The following POFUT3 variants were observed in gnomAD, a reference collection of about 807,000 sequenced individuals.
POFUT3 encodes the protein GDP-fucose protein O-fucosyltransferase 3.
At chr8:33,355,709 T>C in the POFUT3 span, among the ~76,000 whole-genome samples, 2 of 152,090 alleles carry the variant, frequency 1.3e-5, no homozygotes, top group Non-Finnish European at 2.9e-5. Flanking sequence ...TTAGGGTACA[T>C]GTGCACAATG....
chr8:33,340,653 T>C, the POFUT3 span, among the ~76,000 whole-genome samples: 2 of 152,102 alleles, frequency 1.3e-5, no homozygotes, highest in Non-Finnish European at 2.9e-5. Flanking sequence ...TGATATGAGA[T>C]AAAGTAGACT....
chr8:33,325,870 A>T, the POFUT3 span, among the ~76,000 whole-genome samples: 4 of 152,138 alleles, frequency 2.6e-5, no homozygotes, highest in Admixed American at 2.0e-4. Context: ...AGCCCCCTCC[A>T]TAACTGAGGA....
the POFUT3 span, among the ~76,000 whole-genome samples, chr8:33,383,037 C>A: frequency 2.6e-5 from 4 of 152,104 alleles, no homozygotes. Flanking sequence ...GAAAGCAGGG[C>A]CCATGGATCA....
the POFUT3 span, among the ~76,000 whole-genome samples, chr8:33,380,478 T>G: frequency 6.6e-6 from 1 of 151,376 alleles, no homozygotes; most frequent in Non-Finnish European, 1.5e-5. Context: ...ATGGTTTATA[T>G]GTAGAAAACA....
At chr8:33,343,036 G>A in the POFUT3 span, among the ~76,000 whole-genome samples, 7 of 151,564 alleles carry the variant, frequency 4.6e-5, no homozygotes, top group East Asian at 1.9e-4. Flanking sequence ...GAACCTAGGC[G>A]GCAGAGGTTG....
At chr8:33,377,699 G>A in the POFUT3 span, 3 of 152,218 alleles carry the variant, frequency 2.0e-5, no homozygotes, top group African/African-American at 7.2e-5. Flanking sequence ...AGTTATGACA[G>A]TTTTAGAAGT....
chr8:33,460,062 A>G, the POFUT3 span, among the ~76,000 whole-genome samples: 1 of 152,102 alleles, frequency 6.6e-6, no homozygotes, highest in African/African-American at 2.4e-5. Context: ...AGGTGGCGGA[A>G]GCCTGTAATC....
chr8:33,361,848 T>G, the POFUT3 span, among the ~76,000 whole-genome samples: 15 of 152,304 alleles, frequency 9.8e-5, no homozygotes, highest in East Asian at 2.7e-3. Context: ...AAACCAAGAC[T>G]TCTTTTCACT....
chr8:33,404,337 C>CAAAAA, the POFUT3 span, among the ~76,000 whole-genome samples: 274 of 110,800 alleles, frequency 2.5e-3, 2 homozygotes, highest in African/African-American at 8.7e-3. Flanking sequence ...GGCTCTGTCT[C>CAAAAA]AAAAAAAAAA....
chr8:33,457,961 T>C, the POFUT3 span, among the ~76,000 whole-genome samples: 1 of 152,176 alleles, frequency 6.6e-6, no homozygotes, highest in African/African-American at 2.4e-5. Flanking sequence ...GAATCTGCTA[T>C]GGGCTAAATT....
the POFUT3 span, among the ~76,000 whole-genome samples, chr8:33,429,625 C>G: frequency 6.6e-6 from 1 of 151,482 alleles, no homozygotes; most frequent in African/African-American, 2.4e-5. Context: ...ACACAAAAAG[C>G]CGAGGAAGAA....
At chr8:33,459,041 T>G in the POFUT3 span, among the ~76,000 whole-genome samples, 2 of 152,078 alleles carry the variant, frequency 1.3e-5, no homozygotes, top group African/African-American at 4.8e-5. Flanking sequence ...CAAATAACCT[T>G]TAAATGTTGT....
chr8:33,453,421 C>T, the POFUT3 span: 70 of 1,613,698 alleles, frequency 4.3e-5, no homozygotes, highest in Middle Eastern at 1.6e-4. Context: ...AATTAAGATG[C>T]GTAGGTGCTT....
At chr8:33,380,039 C>CTATATATATA in the POFUT3 span, among the ~76,000 whole-genome samples, 148 of 56,202 alleles carry the variant, frequency 2.6e-3, 19 homozygotes, top group African/African-American at 9.3e-3. Flanking sequence ...TATATATATA[C>CTATATATATA]GATATATATA....
At chr8:33,426,501 C>A in the POFUT3 span, among the ~76,000 whole-genome samples, 1 of 152,184 alleles carries the variant, frequency 6.6e-6, no homozygotes, top group South Asian at 2.1e-4. Context: ...ACAAAATTTG[C>A]TCACCTAGTG....
At chr8:33,324,317 C>G in the POFUT3 span, among the ~76,000 whole-genome samples, 1 of 152,146 alleles carries the variant, frequency 6.6e-6, no homozygotes, top group Non-Finnish European at 1.5e-5. Flanking sequence ...GCAGGCTCTT[C>G]CCCTCTCTGT....
At chr8:33,308,109 A>C in the POFUT3 span, among the ~76,000 whole-genome samples, 1 of 152,206 alleles carries the variant, frequency 6.6e-6, no homozygotes, top group African/African-American at 2.4e-5. Flanking sequence ...AAAATGTATG[A>C]TAACAACATG....
the POFUT3 span, among the ~76,000 whole-genome samples, chr8:33,359,301 G>A: frequency 6.6e-6 from 1 of 152,216 alleles, no homozygotes; most frequent in Non-Finnish European, 1.5e-5. Context: ...TTTGTAAGGT[G>A]AGGAAGAAGG....
At chr8:33,389,827 G>A in the POFUT3 span, 9 of 1,477,866 alleles carry the variant, frequency 6.1e-6, no homozygotes, top group South Asian at 1.0e-4. Flanking sequence ...ATATTAATTA[G>A]TATTTCCAAA....
Sources: gnomAD v4.1 joint callset for allele counts (sites outside exome capture counted in the v4.1 genomes callset) on GRCh38, gnomAD v4.1.1 for gene constraint, MANE v1.5 for transcripts, NCBI Gene and HGNC (gene_info 2026-07-23, HGNC 2026-07-21) for gene names.